Variants in CLSTN2 observed in about 807,000 individuals in gnomAD.
CLSTN2 encodes the protein calsyntenin 2, also known as calsyntenin-2.
A neutral mutation model predicts 101.2 loss-of-function variants in CLSTN2; 48 were observed. That is an observed-to-expected ratio of 0.47 (90% CI 0.38 to 0.60). The LOEUF is 0.60. Ranked by LOEUF, CLSTN2 falls within the 20% of genes least tolerant of loss-of-function variation. The probability of loss-of-function intolerance (pLI) is 0.00; values close to 1 mark genes in which losing one functional copy is unlikely to be tolerated. For synonymous variants in CLSTN2, 481 were observed against 463.6 expected (o/e 1.04, Z -0.48); for missense variants, 1,160 against 1,238.2 (o/e 0.94, Z 0.95).
At chr3:140,518,570 G>C (rs1934964904) in intron 8 of CLSTN2, among the ~76,000 whole-genome samples, 1 of 152,150 alleles carries the variant, frequency 6.6e-6, no homozygotes, top group African/African-American at 2.4e-5. Context: ...TGGTGATCTG[G>C]ACATTCAGGT....
intron 1 of CLSTN2, among the ~76,000 whole-genome samples, chr3:140,058,202 T>G (rs2008134673): frequency 2.0e-5 from 3 of 151,966 alleles, no homozygotes; most frequent in Non-Finnish European, 4.4e-5. Flanking sequence ...CCTCAAGGGG[T>G]CAAATCAGGT....
chr3:140,424,614 C>T (rs6767989), intron 5 of CLSTN2, among the ~76,000 whole-genome samples: 9,134 of 152,196 alleles, frequency 0.06, 913 homozygotes, highest in African/African-American at 0.21. Flanking sequence ...CAAACTGGAA[C>T]GAACTATGTT....
intron 2 of CLSTN2, among the ~76,000 whole-genome samples, chr3:140,346,652 G>C (rs527530916): frequency 5.9e-5 from 9 of 152,182 alleles, no homozygotes; most frequent in Non-Finnish European, 1.2e-4. Flanking sequence ...ATCCAAAATT[G>C]GGGCTGAAAA....
chr3:139,988,200 G>T (rs1229429372), intron 1 of CLSTN2, among the ~76,000 whole-genome samples: 1 of 152,190 alleles, frequency 6.6e-6, no homozygotes, highest in Non-Finnish European at 1.5e-5. Context: ...CTCTGACTTG[G>T]TGCTACCAGC....
chr3:139,941,399 T>G (rs1286158163), intron 1 of CLSTN2, among the ~76,000 whole-genome samples: 3 of 152,216 alleles, frequency 2.0e-5, no homozygotes, highest in Non-Finnish European at 2.9e-5. Flanking sequence ...TCTAGCCTTT[T>G]CAGCCAATTA....
chr3:140,205,522 A>G (rs1050624287), intron 2 of CLSTN2, among the ~76,000 whole-genome samples: 1 of 152,032 alleles, frequency 6.6e-6, no homozygotes, highest in Admixed American at 6.6e-5. Flanking sequence ...TGGGAGGGAG[A>G]TTAAACTGAG....
chr3:140,485,715 A>G (rs994366299), intron 8 of CLSTN2, among the ~76,000 whole-genome samples: 4 of 152,126 alleles, frequency 2.6e-5, no homozygotes, highest in African/African-American at 9.7e-5. Context: ...CTGCTGTGCT[A>G]GCAATGAGTG....
chr3:140,280,672 A>G (rs775379902), intron 2 of CLSTN2, among the ~76,000 whole-genome samples: 12 of 152,214 alleles, frequency 7.9e-5, no homozygotes, highest in Non-Finnish European at 1.5e-4. Context: ...ACAGTGTGCC[A>G]TGATGCAAGA....
At chr3:139,969,937 G>A (rs377125437) in intron 1 of CLSTN2, among the ~76,000 whole-genome samples, 1 of 152,080 alleles carries the variant, frequency 6.6e-6, no homozygotes, top group East Asian at 1.9e-4. Context: ...TTGAAGTTAG[G>A]TACCTACAGA....
chr3:140,452,848 C>T (rs1243174575), intron 6 of CLSTN2, among the ~76,000 whole-genome samples: 3 of 152,330 alleles, frequency 2.0e-5, no homozygotes, highest in Middle Eastern at 3.4e-3. Context: ...ACTCAAGTGG[C>T]CCCCACCTTC....
chr3:140,222,334 G>A (rs2107853605), intron 2 of CLSTN2, among the ~76,000 whole-genome samples: 1 of 152,292 alleles, frequency 6.6e-6, no homozygotes, highest in Admixed American at 6.5e-5. Flanking sequence ...GTGAGGGATG[G>A]GGGTGGAAGG....
At chr3:140,079,381 T>C (rs561320905) in intron 1 of CLSTN2, among the ~76,000 whole-genome samples, 56 of 152,242 alleles carry the variant, frequency 3.7e-4, no homozygotes, top group Non-Finnish European at 5.4e-4. Context: ...GAGAAAATCG[T>C]TCTAAAAGAT....
intron 2 of CLSTN2, among the ~76,000 whole-genome samples, chr3:140,277,628 A>AT (rs978730058): frequency 1.3e-5 from 2 of 152,172 alleles, no homozygotes; most frequent in African/African-American, 4.8e-5. Flanking sequence ...CCAACGATTA[A>AT]TTTTTTTAAA....
chr3:140,076,653 TCC>T lies in CLSTN2; in HGVS notation c.110-99297_110-99296del, dbSNP rs2008498352. Reference sequence around the variant, plus strand: ...TTTTTTTTTTTTTTTTTTTTTTTTTTCCTAGCCTTCGAGGCCCACCTTCTCTC... The same window carrying T: ...TTTTTTTTTTTTTTTTTTTTTTTTTTTAGCCTTCGAGGCCCACCTTCTCTC... On this transcript the variant is annotated intron_variant, in intron 1 of 16. Coordinates refer to ENST00000458420, the MANE Select transcript of CLSTN2 (RefSeq NM_022131.3). 3.7e-5 allele frequency among the ~76,000 whole-genome samples: 4 copies of T among 107,694 alleles called. 1 individual carries two copies. Among genetic ancestry groups the T allele is most frequent in the Admixed American group, 9.9e-5 (1 of 10,148 alleles). 70.7% of individuals were successfully genotyped at this position (107,694 alleles called of 152,430 possible). A position where few individuals can be genotyped will look rare whatever the true frequency, so the allele number is the denominator to read the frequency against.
intron 4 of CLSTN2, among the ~76,000 whole-genome samples, chr3:140,412,295 G>A (rs2088373855): frequency 1.3e-5 from 2 of 152,206 alleles, no homozygotes; most frequent in African/African-American, 2.4e-5. Context: ...GATTACAGGT[G>A]TGAGCCACCA....
At chr3:140,564,269 A>T in intron 16 of CLSTN2, 124 bp downstream of exon 16, 1 of 776,300 alleles carries the variant, frequency 1.3e-6, no homozygotes, top group South Asian at 1.7e-5. Context: ...CATCTAGTCC[A>T]GCTCCACTGA....
intron 1 of CLSTN2, among the ~76,000 whole-genome samples, chr3:139,993,977 C>T (rs546713574): frequency 4.9e-4 from 74 of 152,258 alleles, no homozygotes; most frequent in Middle Eastern, 3.4e-3. Flanking sequence ...GGGGGTGGTT[C>T]CGTGGCTTGC....
chr3:140,499,391 C>G (rs1934526755), intron 8 of CLSTN2, among the ~76,000 whole-genome samples: 1 of 152,222 alleles, frequency 6.6e-6, no homozygotes, highest in Non-Finnish European at 1.5e-5. Flanking sequence ...TTACTGTCTT[C>G]AAGGACCCCA....
At chr3:140,248,245 G>A (rs772731504) in intron 2 of CLSTN2, among the ~76,000 whole-genome samples, 70 of 152,188 alleles carry the variant, frequency 4.6e-4, no homozygotes, top group Non-Finnish European at 8.7e-4. Flanking sequence ...AAGCCAAAGG[G>A]GCTATTTTGA....
Sources: allele counts gnomAD v4.1 joint callset (sites outside exome capture counted in the v4.1 genomes callset), GRCh38; gene constraint gnomAD v4.1.1; transcripts MANE v1.5; gene names NCBI Gene and HGNC (gene_info 2026-07-23, HGNC 2026-07-21).